Variants in COP1 observed in about 807,000 individuals in gnomAD.
COP1 encodes the protein E3 ubiquitin-protein ligase COP1.
In COP1, 24 loss-of-function variants were observed where a neutral mutation model predicts 101.3. The observed-to-expected ratio is 0.24, with a 90% CI of 0.17 to 0.33. The LOEUF (loss-of-function observed/expected upper bound fraction) is 0.33. Ranked by LOEUF, COP1 falls within the 10% of genes least tolerant of loss-of-function variation. The probability of loss-of-function intolerance (pLI) is 1.00; values close to 1 mark genes in which losing one functional copy is unlikely to be tolerated. For missense variants in COP1, 663 were observed against 906.2 expected (o/e 0.73, Z 3.45); for synonymous variants, 347 against 341.9 (o/e 1.01, Z -0.17).
intron 15 of COP1, among the ~76,000 whole-genome samples, chr1:176,007,929 G>C (rs547596195): frequency 2.6e-5 from 4 of 152,180 alleles, no homozygotes; most frequent in Non-Finnish European, 5.9e-5. Context: ...AATGGCGGGC[G>C]CCCCTCCCCC....
intron 11 of COP1, among the ~76,000 whole-genome samples, chr1:176,072,449 A>G (rs756296760): frequency 6.6e-6 from 1 of 152,186 alleles, no homozygotes; most frequent in African/African-American, 2.4e-5. Context: ...TAAAAGACTG[A>G]TCCCAGGCAA....
chr1:176,049,403 ATAT>A (rs1292576422), intron 11 of COP1, among the ~76,000 whole-genome samples: 5 of 152,066 alleles, frequency 3.3e-5, no homozygotes, highest in Non-Finnish European at 7.4e-5. Context: ...TGTTTTTAAT[ATAT>A]TAAGGTATCA....
At chr1:176,055,200 G>A (rs1272520920) in intron 11 of COP1, among the ~76,000 whole-genome samples, 4 of 152,218 alleles carry the variant, frequency 2.6e-5, no homozygotes, top group Non-Finnish European at 5.9e-5. Context: ...TCGGGAGGCC[G>A]AGACAGGTGG....
At chr1:176,076,942 C>T (rs1380128809) in intron 11 of COP1, among the ~76,000 whole-genome samples, 1 of 152,040 alleles carries the variant, frequency 6.6e-6, no homozygotes, top group Non-Finnish European at 1.5e-5. Flanking sequence ...TCTGAACTGA[C>T]CAGTAACAAG....
chr1:176,023,718 C>CAAAAAAAAAAAAAAAAAAAAAAAA, intron 15 of COP1, among the ~76,000 whole-genome samples: 1 of 122,092 alleles, frequency 8.2e-6, no homozygotes, highest in Non-Finnish European at 1.6e-5. Context: ...AACTCCATCT[C>CAAAAAAAAAAAAAAAAAAAAAAAA]AAAAAAAAAA....
At chr1:176,003,937 T>G (rs1232863898) in intron 15 of COP1, among the ~76,000 whole-genome samples, 2 of 152,058 alleles carry the variant, frequency 1.3e-5, no homozygotes, top group Admixed American at 6.6e-5. Flanking sequence ...TAAATTACCC[T>G]GGGCAGTATG....
At position 176,206,631 on chromosome 1, in the gene COP1, G is replaced by A; in HGVS notation, c.348C>T (p.Leu116=). 6.2e-7 allele frequency: 1 copy of A among 1,612,172 alleles called. No homozygotes were observed. The highest frequency in any genetic ancestry group is 8.5e-7 in the Non-Finnish European group (1 of 1,180,006). ...LGSGSRKRPL[L]APLCNGLINS... is the part of the protein sequence containing the mutation. ...TGATGAGCCCGTTGCAGAGGGGGGC[G>A]AGGAGAGGTCGCTTCCTGCTGCCGC... Residue 116 remains leucine, a synonymous_variant, in exon 1 of 20, where the codon CTC becomes CTT. Coordinates refer to ENST00000367669, the MANE Select transcript of COP1 (RefSeq NM_022457.7).
At chr1:175,973,245 T>A (rs905848378) in intron 18 of COP1, among the ~76,000 whole-genome samples, 6 of 152,232 alleles carry the variant, frequency 3.9e-5, no homozygotes, top group Non-Finnish European at 1.5e-5. Flanking sequence ...CATGACAGTT[T>A]AGTAAAAGAG....
intron 9 of COP1, among the ~76,000 whole-genome samples, chr1:176,114,152 C>T (rs1470375369): frequency 1.3e-5 from 2 of 152,090 alleles, no homozygotes; most frequent in East Asian, 3.9e-4. Flanking sequence ...ACAGGGACTG[C>T]TATTCTCTCT....
intron 5 of COP1, among the ~76,000 whole-genome samples, chr1:176,158,531 G>A (rs972745416): frequency 6.0e-5 from 9 of 150,344 alleles, no homozygotes; most frequent in African/African-American, 2.0e-4. Context: ...TAATAACAAC[G>A]TATTGTGGAA....
intron 18 of COP1, among the ~76,000 whole-genome samples, chr1:175,950,333 T>C (rs1337490802): frequency 6.6e-6 from 1 of 152,042 alleles, no homozygotes; most frequent in Non-Finnish European, 1.5e-5. Context: ...TCCCCAAAGG[T>C]AGTATGATTA....
At chr1:175,962,926 A>G (rs1365279565) in intron 18 of COP1, among the ~76,000 whole-genome samples, 1 of 152,234 alleles carries the variant, frequency 6.6e-6, no homozygotes, top group East Asian at 1.9e-4. Flanking sequence ...AACATAGTTC[A>G]AGATTTATTG....
chr1:176,168,745 C>A (rs1695580623), intron 3 of COP1: 1 of 327,652 alleles, frequency 3.1e-6, no homozygotes, highest in East Asian at 1.2e-4. Flanking sequence ...ACAGAGTATG[C>A]ACACTGGAGG....
intron 6 of COP1, among the ~76,000 whole-genome samples, chr1:176,146,583 T>C (rs1035728333): frequency 5.9e-5 from 9 of 152,160 alleles, no homozygotes; most frequent in Non-Finnish European, 1.2e-4. Context: ...ACAAAAAAAT[T>C]GTTATCTCTT....
intron 11 of COP1, among the ~76,000 whole-genome samples, chr1:176,068,974 G>A (rs1676497155): frequency 6.6e-6 from 1 of 152,104 alleles, no homozygotes; most frequent in South Asian, 2.1e-4. Flanking sequence ...ATCAATGGGG[G>A]CTGGAAGTTT....
At chr1:176,160,664 A>G (rs1047906611) in intron 5 of COP1, among the ~76,000 whole-genome samples, 6 of 152,196 alleles carry the variant, frequency 3.9e-5, no homozygotes, top group Non-Finnish European at 7.3e-5. Context: ...CAAAAAACGT[A>G]TGAAAAAAAA....
chr1:175,947,767 G>C (rs1649372053), intron 18 of COP1, among the ~76,000 whole-genome samples: 1 of 152,166 alleles, frequency 6.6e-6, no homozygotes, highest in Non-Finnish European at 1.5e-5. Context: ...TAGAAGCAGA[G>C]TAGGACACTT....
At chr1:175,994,600 C>T (rs1292280748) in intron 15 of COP1, among the ~76,000 whole-genome samples, 1 of 152,130 alleles carries the variant, frequency 6.6e-6, no homozygotes, top group Non-Finnish European at 1.5e-5. Flanking sequence ...CAATCCTAGT[C>T]TCTGATAAAA....
intron 15 of COP1, among the ~76,000 whole-genome samples, chr1:175,999,382 T>A (rs1046996973): frequency 6.6e-6 from 1 of 152,114 alleles, no homozygotes; most frequent in African/African-American, 2.4e-5. Flanking sequence ...GCCAGGCTTA[T>A]TTCACTTTAC....
Sources: gnomAD v4.1 joint callset for allele counts (sites outside exome capture counted in the v4.1 genomes callset) on GRCh38, gnomAD v4.1.1 for gene constraint, MANE v1.5 for transcripts, NCBI Gene and HGNC (gene_info 2026-07-23, HGNC 2026-07-21) for gene names.